DYNC1I2: variants seen among roughly 807,000 people sequenced by gnomAD.
The protein encoded by DYNC1I2 is cytoplasmic dynein 1 intermediate chain 2.
Under a neutral mutation model 88.6 loss-of-function variants are expected in DYNC1I2, and 53 were observed. The ratio of observed to expected loss-of-function variants is 0.60; its 90% confidence interval spans 0.48 to 0.75. The LOEUF (loss-of-function observed/expected upper bound fraction) is 0.75, where lower values mean the gene tolerates loss of function less well. Ranked by LOEUF, DYNC1I2 falls within the 30% of genes least tolerant of loss-of-function variation. The probability of loss-of-function intolerance (pLI) is 0.00; values close to 1 mark genes in which losing one functional copy is unlikely to be tolerated. For synonymous variants in DYNC1I2, 198 were observed against 254.6 expected, an observed-to-expected ratio of 0.78 and a Z score of 2.12; for missense variants, 458 against 766.6, an observed-to-expected ratio of 0.60 and a Z score of 4.75.
At chr2:171,734,094 G>T (rs1212842248) in intron 15 of DYNC1I2, among the ~76,000 whole-genome samples, 3 of 152,132 alleles carry the variant, frequency 2.0e-5, no homozygotes, top group Admixed American at 1.3e-4. Context: ...GTTTGTCAAA[G>T]ATGATGATTG....
intron 3 of DYNC1I2, among the ~76,000 whole-genome samples, chr2:171,703,797 T>G (rs1208944083): frequency 6.6e-6 from 1 of 152,208 alleles, no homozygotes; most frequent in Non-Finnish European, 1.5e-5. Flanking sequence ...AGAACACTTG[T>G]GTCCAGAAGG....
rs1689912895 is a variant in DYNC1I2 at position 171,747,896 on chromosome 2, A to G, written c.*7A>G. 1.9e-6 allele frequency: 3 copies of G among 1,582,106 alleles called. No homozygotes were observed. Among genetic ancestry groups the G allele is most frequent in the East Asian group, 2.2e-5 (1 of 44,678 alleles). On this transcript the variant is annotated 3_prime_UTR_variant, in exon 18 of 18. Transcript: ENST00000397119. The stretch of plus-strand genomic sequence containing the variant: ...TACCCGAATACCTGCTTAGTTCCTG[A>G]AAAGGGGAGTGTAACTAGTGGATTT...
chr2:171,706,853 TTAAA>T (rs1376007901), intron 4 of DYNC1I2: 44 of 410,078 alleles, frequency 1.1e-4, no homozygotes, highest in Non-Finnish European at 9.4e-5. Context: ...AAACTAGAGA[TTAAA>T]TAACTTAATG....
chr2:171,746,988 G>T (rs1393427740), intron 17 of DYNC1I2, among the ~76,000 whole-genome samples: 1 of 151,898 alleles, frequency 6.6e-6, no homozygotes, highest in Non-Finnish European at 1.5e-5. Flanking sequence ...GAGGTCAGGA[G>T]TTCGAGACCA....
intron 15 of DYNC1I2, 73 bp from the exon 16 acceptor site, chr2:171,743,976 T>C (rs1574643442): frequency 3.1e-6 from 4 of 1,305,986 alleles, no homozygotes; most frequent in East Asian, 2.7e-5. Flanking sequence ...GTCATTTTTT[T>C]CCCAGTGATA....
chr2:171,730,180 G>A (rs1372783831), intron 15 of DYNC1I2, among the ~76,000 whole-genome samples: 1 of 152,152 alleles, frequency 6.6e-6, no homozygotes, highest in Non-Finnish European at 1.5e-5. Context: ...TTGTCATTCA[G>A]CTCAGCACAA....
chr2:171,742,067 GAAA>G (rs71013069), intron 15 of DYNC1I2, among the ~76,000 whole-genome samples: 2 of 130,906 alleles, frequency 1.5e-5, no homozygotes, highest in African/African-American at 3.1e-5. Flanking sequence ...CGCGGTCTCA[GAAA>G]AAAAAAAAAA....
At chr2:171,734,610 G>A (rs535831465) in intron 15 of DYNC1I2, among the ~76,000 whole-genome samples, 3 of 152,258 alleles carry the variant, frequency 2.0e-5, no homozygotes, top group African/African-American at 7.2e-5. Flanking sequence ...ATAGAACATG[G>A]TGTTTTTATA....
chr2:171,722,626 CAT>C (rs1372087948), intron 7 of DYNC1I2, among the ~76,000 whole-genome samples: 5 of 152,118 alleles, frequency 3.3e-5, no homozygotes, highest in Admixed American at 2.6e-4. Flanking sequence ...TGGTAGCTAT[CAT>C]ATTAGCTTAT....
At chr2:171,708,050 A>G (rs1435847325) in intron 5 of DYNC1I2, among the ~76,000 whole-genome samples, 1 of 126,684 alleles carries the variant, frequency 7.9e-6, no homozygotes. Flanking sequence ...ATTACTACTT[A>G]TTCCTCTTTG....
intron 7 of DYNC1I2, among the ~76,000 whole-genome samples, chr2:171,716,147 T>C (rs1004415710): frequency 2.6e-5 from 4 of 152,138 alleles, no homozygotes; most frequent in African/African-American, 9.7e-5. Flanking sequence ...CCTAATACAC[T>C]TCACAGTGTC....
rs761551330 is a variant in DYNC1I2, at chr2:171,725,586, G to GT, written c.512-25dup. 13 of 1,244,800 alleles carry GT rather than the reference G, an allele frequency of 1.0e-5. No individual in the cohort carries two copies. In the Admixed American group the frequency reaches 1.6e-4, roughly 15 times the overall value. 77.1% of individuals were successfully genotyped at this position (1,244,800 alleles called of 1,614,324 possible). On this transcript the variant is annotated intron_variant, in intron 7 of 17. Transcript: ENST00000397119. ...ATTTATTATATCATTCTGTTTTTTT[G>GT]TTTTTTTGTTTGTTTTTTTTTTTTT...
At chr2:171,728,894 T>C (rs373984444) in intron 14 of DYNC1I2, 44 bp downstream of exon 14, 1 of 1,557,148 alleles carries the variant, frequency 6.4e-7, no homozygotes, top group South Asian at 1.2e-5. Flanking sequence ...ATTCCTCCTT[T>C]AATCCCATTG....
At chr2:171,701,571 T>G (rs2105509408) in intron 3 of DYNC1I2, among the ~76,000 whole-genome samples, 1 of 152,338 alleles carries the variant, frequency 6.6e-6, no homozygotes, top group Admixed American at 6.5e-5. Flanking sequence ...AACTTCATAC[T>G]GTTAGTTTAA....
chr2:171,725,908 T>C lies in DYNC1I2; in HGVS notation c.608-11T>C. On this transcript the variant is annotated splice_polypyrimidine_tract_variant and intron_variant, in intron 8 of 17. Transcript: ENST00000397119. ...CATAAATCATACTTCAAAAAATTAT[T>C]TATTTTCCAGCTCCCCCTCATGAGC... 1.3e-6 allele frequency: 2 copies of C among 1,559,202 alleles called. No individual in the cohort carries two copies. Among genetic ancestry groups the C allele is most frequent in the Non-Finnish European group, 1.7e-6 (2 of 1,161,782 alleles).
chr2:171,729,142 A>C (rs186222534), intron 14 of DYNC1I2, among the ~76,000 whole-genome samples: 1 of 152,186 alleles, frequency 6.6e-6, no homozygotes, highest in African/African-American at 2.4e-5. Flanking sequence ...GCACATGCCA[A>C]TATTGACCTA....
intron 6 of DYNC1I2, among the ~76,000 whole-genome samples, chr2:171,714,700 T>C (rs1687365566): frequency 6.6e-6 from 1 of 152,240 alleles, no homozygotes; most frequent in Non-Finnish European, 1.5e-5. Context: ...TCTGTCACTT[T>C]AGTCTAAGTG....
At chr2:171,744,867 A>G (rs934407673) in intron 16 of DYNC1I2, among the ~76,000 whole-genome samples, 14 of 152,164 alleles carry the variant, frequency 9.2e-5, no homozygotes, top group Admixed American at 3.3e-4. Context: ...TATAATTAAT[A>G]TTAGCATTTC....
chr2:171,721,884 A>G (rs2105653166), intron 7 of DYNC1I2, among the ~76,000 whole-genome samples: 1 of 152,310 alleles, frequency 6.6e-6, no homozygotes, highest in Admixed American at 6.5e-5. Context: ...AGATTTAATC[A>G]TTAAAAGTGA....
Sources: allele counts gnomAD v4.1 joint callset (sites outside exome capture counted in the v4.1 genomes callset), GRCh38; gene constraint gnomAD v4.1.1; transcripts MANE v1.5; gene names NCBI Gene and HGNC (gene_info 2026-07-23, HGNC 2026-07-21).